DYM: variants seen among roughly 807,000 people sequenced by gnomAD.
DYM encodes dymeclin, also known as dyggve-Melchior-Clausen syndrome protein.
DYM carries 78 observed loss-of-function variants against 93.1 expected under a neutral mutation model. The ratio of observed to expected loss-of-function variants is 0.84; its 90% CI spans 0.70 to 1.01. The LOEUF (loss-of-function observed/expected upper bound fraction) is 1.01. DYM is among the 50% of genes least tolerant of loss of function. DYM has a pLI of 0.00. For missense variants in DYM, 789 were observed against 845.0 expected (o/e 0.93, Z 0.82); for synonymous variants, 321 against 319.7 (o/e 1.00, Z -0.04).
At chr18:49,165,523 G>T (rs2087751535) in intron 14 of DYM, among the ~76,000 whole-genome samples, 1 of 151,930 alleles carries the variant, frequency 6.6e-6, no homozygotes, top group African/African-American at 2.4e-5. Context: ...GGTTTAAAAA[G>T]GATATCCATT....
chr18:49,289,787 A>G (rs1363745092), intron 8 of DYM, among the ~76,000 whole-genome samples: 1 of 65,410 alleles, frequency 1.5e-5, no homozygotes, highest in East Asian at 3.5e-4. Flanking sequence ...ATATATATAT[A>G]TACACACATA....
chr18:49,251,238 G>A (rs1489342166), intron 13 of DYM, among the ~76,000 whole-genome samples: 2 of 152,226 alleles, frequency 1.3e-5, no homozygotes, highest in Non-Finnish European at 2.9e-5. Flanking sequence ...GCAGTGTGCA[G>A]GGGTGAGTAG....
At chr18:49,209,842 AC>A (rs2092699270) in intron 13 of DYM, 127 bp from the exon 14 acceptor site, 1 of 520,998 alleles carries the variant, frequency 1.9e-6, no homozygotes, top group South Asian at 3.6e-5. Context: ...AAAAAAAAAA[AC>A]TGTCAGAATA....
At chr18:49,271,761 T>C (rs1290162279) in intron 11 of DYM, among the ~76,000 whole-genome samples, 1 of 151,966 alleles carries the variant, frequency 6.6e-6, no homozygotes, top group Non-Finnish European at 1.5e-5. Context: ...AAAAGTTAAA[T>C]TATGTTATGT....
chr18:49,172,080 T>G (rs964765718), intron 14 of DYM, among the ~76,000 whole-genome samples: 5 of 152,224 alleles, frequency 3.3e-5, no homozygotes, highest in Non-Finnish European at 7.3e-5. Context: ...CTGCTTCCTG[T>G]CACTGTAGTT....
intron 16 of DYM, chr18:49,114,494 T>C: frequency 1.1e-6 from 1 of 922,156 alleles, no homozygotes; most frequent in African/African-American, 1.8e-5. Flanking sequence ...TATGGTTCTA[T>C]ACTGTGTACT....
At chr18:49,239,674 C>T (rs2093966124) in intron 13 of DYM, among the ~76,000 whole-genome samples, 1 of 152,226 alleles carries the variant, frequency 6.6e-6, no homozygotes, top group African/African-American at 2.4e-5. Context: ...TTCCAGGCAA[C>T]ACCTCAACAG....
rs553238670 is a variant in DYM at position 49,305,763 on chromosome 18, C to G, written c.764-19147G>C. Among the ~76,000 whole-genome samples the G allele has an allele frequency of 1.6e-3, 247 of 151,026 alleles. 2 individuals carry two copies. The highest frequency in any genetic ancestry group is 5.6e-3 in the African/African-American group (229 of 40,916). On this transcript the variant is annotated intron_variant, in intron 8 of 17. Transcript: ENST00000675505. Reference sequence around the variant, plus strand: ...AAAAACCTCCCTAGAATCCATGCACCCTTCCATTTGTTGCCTTATTTTTCT... The same window carrying G: ...AAAAACCTCCCTAGAATCCATGCACGCTTCCATTTGTTGCCTTATTTTTCT...
chr18:49,080,769 TCCTCACTTCTCAGACGGGGCGGATG>T (rs2077894059), intron 17 of DYM, among the ~76,000 whole-genome samples: 1 of 138,726 alleles, frequency 7.2e-6, no homozygotes, highest in Non-Finnish European at 1.5e-5. Flanking sequence ...GCGGAGGGGC[TCCTCACTTCTCAGACGGGGCGGATG>T]CCGGGCGGAG....
At chr18:49,317,674 T>C (rs934305280) in intron 8 of DYM, among the ~76,000 whole-genome samples, 11 of 125,380 alleles carry the variant, frequency 8.8e-5, no homozygotes, top group African/African-American at 3.0e-4. Flanking sequence ...CCTTCCTTCC[T>C]TCCTTCCTTC....
At position 49,209,831 on chromosome 18, in the gene DYM, GA is replaced by G. The variant is rs564199875; in HGVS notation, c.1461-117del. The G allele has an allele frequency of 4.7e-3, 1,940 of 416,936 alleles. 1 individual carries two copies. Among genetic ancestry groups the G allele is most frequent in the South Asian group, 0.013 (186 of 14,682 alleles). The allele number at this position is 416,936 out of a possible 1,614,324, so 25.8% of individuals were successfully genotyped here. On this transcript the variant is annotated intron_variant, in intron 13 of 17. Transcript: ENST00000675505. Reference sequence around the variant, plus strand: ...TGTATCTTCACTAGATGGTGCCCAAGAAAAAAAAAAACTGTCAGAATAAAAA... The same window carrying G: ...TGTATCTTCACTAGATGGTGCCCAAGAAAAAAAAAACTGTCAGAATAAAAA...
chr18:49,109,542 T>C (rs1360108902), intron 16 of DYM, among the ~76,000 whole-genome samples: 1 of 152,224 alleles, frequency 6.6e-6, no homozygotes, highest in Non-Finnish European at 1.5e-5. Context: ...ATCCAGTCTA[T>C]AGTTCATGGA....
At chr18:49,409,283 CAAA>C (rs200898948) in intron 2 of DYM, among the ~76,000 whole-genome samples, 4 of 63,378 alleles carry the variant, frequency 6.3e-5, no homozygotes, top group Admixed American at 1.7e-4. Context: ...GACTCTGTCT[CAAA>C]AAAAAAAAAA....
At chr18:49,332,564 T>C (rs1750275481) in intron 7 of DYM, among the ~76,000 whole-genome samples, 1 of 152,198 alleles carries the variant, frequency 6.6e-6, no homozygotes, top group South Asian at 2.1e-4. Context: ...GGACTACACT[T>C]TTTAAGTATG....
intron 17 of DYM, among the ~76,000 whole-genome samples, chr18:49,081,434 C>A (rs1248904170): frequency 1.3e-5 from 2 of 151,718 alleles, no homozygotes; most frequent in African/African-American, 4.8e-5. Flanking sequence ...GGGAGGTCGC[C>A]GTGAGCCGAG....
At chr18:49,212,472 T>C (rs1453227985) in intron 13 of DYM, among the ~76,000 whole-genome samples, 2 of 152,032 alleles carry the variant, frequency 1.3e-5, no homozygotes, top group African/African-American at 4.8e-5. Context: ...TAAAGGTAAA[T>C]GAAAATTATT....
At chr18:49,267,109 G>A (rs2094582841) in intron 11 of DYM, among the ~76,000 whole-genome samples, 3 of 151,622 alleles carry the variant, frequency 2.0e-5, no homozygotes, top group South Asian at 4.2e-4. Flanking sequence ...TAAAAAGTTA[G>A]AAAGATAAAG....
chr18:49,171,156 G>A (rs1391086758), intron 14 of DYM, among the ~76,000 whole-genome samples: 2 of 152,284 alleles, frequency 1.3e-5, no homozygotes, highest in Admixed American at 6.5e-5. Flanking sequence ...ATGTGAGGAA[G>A]TACAGAAAAT....
At chr18:49,388,037 A>G (rs927166330) in intron 3 of DYM, among the ~76,000 whole-genome samples, 12 of 152,228 alleles carry the variant, frequency 7.9e-5, no homozygotes, top group African/African-American at 2.7e-4. Flanking sequence ...CAAATGGGAC[A>G]TATCAAAAGG....
Sources: allele counts gnomAD v4.1 joint callset (sites outside exome capture counted in the v4.1 genomes callset), GRCh38; gene constraint gnomAD v4.1.1; transcripts MANE v1.5; gene names NCBI Gene and HGNC (gene_info 2026-07-23, HGNC 2026-07-21).